Variants in VKORC1L1 observed in about 807,000 individuals in gnomAD.
VKORC1L1 encodes vitamin K epoxide reductase complex subunit 1L1, also known as vitamin K epoxide reductase complex subunit 1-like protein 1.
In VKORC1L1, 2 loss-of-function variants were observed where a neutral mutation model predicts 18.9. That is an observed-to-expected ratio of 0.11 (90% CI 0.04 to 0.33). The LOEUF (loss-of-function observed/expected upper bound fraction) is 0.33, where lower values mean the gene tolerates loss of function less well. Among genes scored for constraint, VKORC1L1 ranks in the 10% least tolerant of loss-of-function variants. The pLI is 1.00. For synonymous variants in VKORC1L1, 96 were observed against 100.0 expected, an observed-to-expected ratio of 0.96 and a Z score of 0.24; for missense variants, 123 against 224.1, an observed-to-expected ratio of 0.55 and a Z score of 2.88.
chr7:65,924,114 G>A (rs766810249), intron 1 of VKORC1L1, among the ~76,000 whole-genome samples: 2 of 152,222 alleles, frequency 1.3e-5, no homozygotes, highest in Non-Finnish European at 2.9e-5. Context: ...AGCAGAGGGT[G>A]ATCTAGCCGG....
intron 1 of VKORC1L1, among the ~76,000 whole-genome samples, chr7:65,918,279 A>G (rs544017887): frequency 4.3e-4 from 66 of 152,366 alleles, no homozygotes; most frequent in Admixed American, 1.3e-3. Context: ...CAGGGAATGC[A>G]AAGTTTTTCC....
At chr7:65,905,861 C>A (rs553525429) in intron 1 of VKORC1L1, among the ~76,000 whole-genome samples, 2 of 152,124 alleles carry the variant, frequency 1.3e-5, no homozygotes, top group African/African-American at 4.8e-5. Context: ...ACACCCAATC[C>A]TCACCGTGCT....
chr7:65,869,407 A>G (rs2116304362), upstream of VKORC1L1, among the ~76,000 whole-genome samples: 3 of 152,322 alleles, frequency 2.0e-5, no homozygotes, highest in South Asian at 6.2e-4. Context: ...AATTTGCCAC[A>G]GAGGGCAAGT....
At chr7:65,905,771 T>A (rs556696287) in intron 1 of VKORC1L1, among the ~76,000 whole-genome samples, 1 of 152,294 alleles carries the variant, frequency 6.6e-6, no homozygotes, top group African/African-American at 2.4e-5. Context: ...AAGTGCCAAT[T>A]TAACCTTATG....
rs144139396 is a variant in VKORC1L1 at position 65,919,151 on chromosome 7, A to T, written c.195-29520A>T. Among the ~76,000 whole-genome samples the T allele has an allele frequency of 3.3e-5, 5 of 152,248 alleles. No homozygotes were observed. In the East Asian group the frequency reaches 7.7e-4, roughly 24 times the overall value. On this transcript the variant is annotated intron_variant, in intron 1 of 2. Transcript: ENST00000360768. The stretch of plus-strand genomic sequence containing the variant: ...AACAGCATAGCTGTGGTTCCACTCC[A>T]AGAGAAGCTCAGGTCCCCATAGTCC...
At chr7:65,878,847 G>T (rs1788875268) in intron 1 of VKORC1L1, among the ~76,000 whole-genome samples, 1 of 152,198 alleles carries the variant, frequency 6.6e-6, no homozygotes, top group Non-Finnish European at 1.5e-5. Context: ...GGTGGAGGTT[G>T]TGGTGAGCTG....
chr7:65,921,436 A>G (rs2115621799), intron 1 of VKORC1L1, among the ~76,000 whole-genome samples: 1 of 152,228 alleles, frequency 6.6e-6, no homozygotes, highest in East Asian at 1.9e-4. Flanking sequence ...CCCAGGTTGG[A>G]GTGCAGTGGC....
chr7:65,941,852 G>T (rs1310460358), intron 1 of VKORC1L1, among the ~76,000 whole-genome samples: 1 of 151,642 alleles, frequency 6.6e-6, no homozygotes, highest in Non-Finnish European at 1.5e-5. Context: ...GTAGAGATGG[G>T]ATTTCACCAT....
At chr7:65,918,186 C>G (rs1583847784) in intron 1 of VKORC1L1, among the ~76,000 whole-genome samples, 1 of 152,140 alleles carries the variant, frequency 6.6e-6, no homozygotes, top group Non-Finnish European at 1.5e-5. Context: ...TTTCCTTGTT[C>G]TAGAAGATCA....
At chr7:65,905,570 A>G (rs534698146) in intron 1 of VKORC1L1, among the ~76,000 whole-genome samples, 3 of 152,198 alleles carry the variant, frequency 2.0e-5, no homozygotes, top group East Asian at 3.9e-4. Flanking sequence ...CGGCCTCCCA[A>G]AGTGCTGGGA....
At chr7:65,899,043 C>T (rs762761899) in intron 1 of VKORC1L1, among the ~76,000 whole-genome samples, 2 of 152,236 alleles carry the variant, frequency 1.3e-5, no homozygotes, top group Non-Finnish European at 2.9e-5. Flanking sequence ...AGTAAAAAGA[C>T]ATGACCTTAT....
rs1318403010 is a variant in VKORC1L1, at chr7:65,886,166, TTTAC to T, written c.194+12604_194+12607del. 2.6e-5 allele frequency among the ~76,000 whole-genome samples: 4 copies of T among 152,232 alleles called. No individual in the cohort carries two copies. The East Asian group carries it at 7.7e-4, about 29-fold the overall frequency. ...CCCTGTTTTCATTTCTCTTTTCACC[TTTAC>T]TTTTGGTCTAAAGAGACTTTATCAT... On this transcript the variant is annotated intron_variant, in intron 1 of 2. Transcript: ENST00000360768.
chr7:65,918,480 G>A (rs141772415), intron 1 of VKORC1L1, among the ~76,000 whole-genome samples: 2,880 of 152,346 alleles, frequency 0.019, 45 homozygotes, highest in Non-Finnish European at 0.027. Flanking sequence ...GAGACATACT[G>A]TCCAAAGACA....
At chr7:65,908,914 C>A (rs1583841264) in intron 1 of VKORC1L1, among the ~76,000 whole-genome samples, 2 of 149,608 alleles carry the variant, frequency 1.3e-5, no homozygotes, top group Middle Eastern at 7.0e-3. Context: ...TAAATAAAAA[C>A]ATCAGACATG....
intron 1 of VKORC1L1, among the ~76,000 whole-genome samples, chr7:65,911,567 G>C (rs1789503393): frequency 6.6e-6 from 1 of 152,068 alleles, no homozygotes; most frequent in Non-Finnish European, 1.5e-5. Flanking sequence ...TGGCATTGTT[G>C]AATGTGTATA....
intron 1 of VKORC1L1, among the ~76,000 whole-genome samples, chr7:65,909,712 G>GTGTT (rs1789470125): frequency 6.7e-6 from 1 of 149,644 alleles, no homozygotes; most frequent in Non-Finnish European, 1.5e-5. Context: ...GTGTGTGTGT[G>GTGTT]TGTGTGTGTG....
intron 1 of VKORC1L1, among the ~76,000 whole-genome samples, chr7:65,920,253 G>A (rs1161581912): frequency 1.3e-5 from 2 of 151,982 alleles, no homozygotes. Context: ...TTTTCTGCTC[G>A]TCTCTCTCTC....
At chr7:65,905,718 C>T (rs1259251980) in intron 1 of VKORC1L1, among the ~76,000 whole-genome samples, 1 of 152,052 alleles carries the variant, frequency 6.6e-6, no homozygotes, top group Non-Finnish European at 1.5e-5. Flanking sequence ...AAATTTACAT[C>T]TAGAAAATTT....
At chr7:65,899,824 AC>A (rs1228080854) in intron 1 of VKORC1L1, among the ~76,000 whole-genome samples, 14 of 151,654 alleles carry the variant, frequency 9.2e-5, no homozygotes, top group Non-Finnish European at 1.6e-4. Context: ...ACATGGAGAA[AC>A]CCCGTCTCTA....
Sources: gnomAD v4.1 joint callset for allele counts (sites outside exome capture counted in the v4.1 genomes callset) on GRCh38, gnomAD v4.1.1 for gene constraint, MANE v1.5 for transcripts, NCBI Gene and HGNC (gene_info 2026-07-23, HGNC 2026-07-21) for gene names.